The following PPFIA2 variants were observed in gnomAD, a reference collection of about 807,000 sequenced individuals.
The protein encoded by PPFIA2 is liprin-alpha-2.
A neutral mutation model predicts 175.5 loss-of-function variants in PPFIA2; 46 were observed. That is an observed-to-expected ratio of 0.26 (90% CI 0.21 to 0.34). The LOEUF (loss-of-function observed/expected upper bound fraction) is 0.34, where lower values mean the gene tolerates loss of function less well. Among genes scored for constraint, PPFIA2 ranks in the 10% least tolerant of loss-of-function variants. The probability of loss-of-function intolerance (pLI) is 1.00; values close to 1 mark genes in which losing one functional copy is unlikely to be tolerated. For synonymous variants in PPFIA2, 568 were observed against 511.4 expected, an observed-to-expected ratio of 1.11 and a Z score of -1.49; for missense variants, 1,179 against 1,506.1, an observed-to-expected ratio of 0.78 and a Z score of 3.60.
At chr12:81,440,819 T>C (rs1186532413) in intron 6 of PPFIA2, among the ~76,000 whole-genome samples, 4 of 149,762 alleles carry the variant, frequency 2.7e-5, no homozygotes, top group Admixed American at 2.7e-4. Flanking sequence ...TCCTGATATA[T>C]ATATATATAT....
At chr12:81,429,799 TG>T (rs1259340975) in intron 7 of PPFIA2, among the ~76,000 whole-genome samples, 1 of 152,120 alleles carries the variant, frequency 6.6e-6, no homozygotes, top group Admixed American at 6.6e-5. Flanking sequence ...GGAGAATCCA[TG>T]TTGTTTCAGT....
chr12:81,612,503 G>GA (rs1232732129), intron 4 of PPFIA2, among the ~76,000 whole-genome samples: 9 of 150,508 alleles, frequency 6.0e-5, no homozygotes, highest in South Asian at 2.1e-4. Context: ...CCAAGAAAAA[G>GA]AAAAAAAAAC....
At chr12:81,648,614 G>T (rs1043018425) in intron 4 of PPFIA2, among the ~76,000 whole-genome samples, 2 of 150,376 alleles carry the variant, frequency 1.3e-5, no homozygotes, top group Admixed American at 1.3e-4. Flanking sequence ...TCTCATGCAG[G>T]GTTTTTTCTT....
chr12:81,350,181 G>T (rs1179214464), intron 17 of PPFIA2, among the ~76,000 whole-genome samples: 1 of 152,118 alleles, frequency 6.6e-6, no homozygotes, highest in Admixed American at 6.6e-5. Flanking sequence ...CAAGAATATA[G>T]ACTTGATTTC....
intron 4 of PPFIA2, among the ~76,000 whole-genome samples, chr12:81,611,373 G>A (rs1173179405): frequency 6.6e-6 from 1 of 152,268 alleles, no homozygotes; most frequent in Middle Eastern, 3.4e-3. Flanking sequence ...TGCAAGGGGG[G>A]TTCCTCCCCT....
chr12:81,623,405 T>A (rs1425207168), intron 4 of PPFIA2, among the ~76,000 whole-genome samples: 7 of 152,036 alleles, frequency 4.6e-5, no homozygotes, highest in Non-Finnish European at 1.0e-4. Context: ...AAATGATGAA[T>A]ATCTTAGGCA....
At chr12:81,489,905 G>C (rs2059249916) in intron 4 of PPFIA2, among the ~76,000 whole-genome samples, 1 of 151,876 alleles carries the variant, frequency 6.6e-6, no homozygotes, top group Non-Finnish European at 1.5e-5. Flanking sequence ...ACACTATAGA[G>C]AAGGCCAATT....
chr12:81,450,909 T>C (rs534154176), intron 5 of PPFIA2, among the ~76,000 whole-genome samples: 7 of 152,204 alleles, frequency 4.6e-5, no homozygotes, highest in Non-Finnish European at 8.8e-5. Context: ...CATTGCTAAG[T>C]AGGAATTCTA....
intron 21 of PPFIA2, among the ~76,000 whole-genome samples, chr12:81,336,708 A>C (rs565694594): frequency 2.6e-5 from 4 of 152,274 alleles, no homozygotes; most frequent in African/African-American, 9.6e-5. Flanking sequence ...ACCTTTTAAG[A>C]GTTATAAATC....
chr12:81,634,948 A>T (rs181009616), intron 4 of PPFIA2, among the ~76,000 whole-genome samples: 1 of 151,150 alleles, frequency 6.6e-6, no homozygotes, highest in East Asian at 1.9e-4. Flanking sequence ...ACATATCTTC[A>T]TTGTCATTAA....
chr12:81,350,843 G>A (rs1486238895), intron 17 of PPFIA2, among the ~76,000 whole-genome samples: 1 of 152,124 alleles, frequency 6.6e-6, no homozygotes, highest in Non-Finnish European at 1.5e-5. Context: ...GTAGGGTGAT[G>A]ATAGGTAATT....
At chr12:81,315,547 G>A (rs1921048) in intron 22 of PPFIA2, among the ~76,000 whole-genome samples, 53,962 of 151,504 alleles carry the variant, frequency 0.36, 10,445 homozygotes, top group East Asian at 0.54. Context: ...AAGGTGGGAA[G>A]ACTGTGATTA....
At chr12:81,648,804 G>A (rs996476007) in intron 4 of PPFIA2, among the ~76,000 whole-genome samples, 1 of 151,808 alleles carries the variant, frequency 6.6e-6, no homozygotes, top group Admixed American at 6.6e-5. Context: ...CAGATCAATG[G>A]AAAAGAAGAG....
chr12:81,636,972 T>C lies in PPFIA2; in HGVS notation c.303+39819A>G, dbSNP rs557734966. 9.4e-4 allele frequency among the ~76,000 whole-genome samples: 143 copies of C among 152,208 alleles called. 2 individuals are homozygous for C. Among genetic ancestry groups the C allele is most frequent in the African/African-American group, 3.0e-3 (125 of 41,518 alleles). On this transcript the variant is annotated intron_variant, in intron 4 of 32. Transcript: ENST00000549396. Reference sequence around the variant, plus strand: ...TTCAAAATTGTCAAACTACCTTTGTTCCATTTTTCTTAAAATGGAATTTTC... The same window carrying C: ...TTCAAAATTGTCAAACTACCTTTGTCCCATTTTTCTTAAAATGGAATTTTC...
chr12:81,565,546 CACTA>C (rs1466197627), intron 4 of PPFIA2, among the ~76,000 whole-genome samples: 3 of 152,166 alleles, frequency 2.0e-5, no homozygotes, highest in South Asian at 4.1e-4. Context: ...CTCTACAGAA[CACTA>C]ACTAATACAA....
intron 7 of PPFIA2, among the ~76,000 whole-genome samples, chr12:81,411,546 C>T (rs1280010147): frequency 1.3e-5 from 2 of 152,050 alleles, no homozygotes; most frequent in Non-Finnish European, 1.5e-5. Context: ...GTAGTCTTGG[C>T]GGCTGGGCCT....
intron 4 of PPFIA2, among the ~76,000 whole-genome samples, chr12:81,496,615 G>A (rs2060052318): frequency 6.6e-6 from 1 of 152,124 alleles, no homozygotes; most frequent in Non-Finnish European, 1.5e-5. Context: ...CCACGTGAAT[G>A]AAAGGAATCA....
intron 4 of PPFIA2, among the ~76,000 whole-genome samples, chr12:81,561,196 TGA>T (rs1249307040): frequency 2.0e-5 from 3 of 152,200 alleles, no homozygotes; most frequent in Non-Finnish European, 4.4e-5. Flanking sequence ...GTATATGATA[TGA>T]GATGGCAAAG....
intron 4 of PPFIA2, among the ~76,000 whole-genome samples, chr12:81,517,795 G>A (rs374946405): frequency 3.9e-5 from 6 of 152,040 alleles, no homozygotes; most frequent in Non-Finnish European, 8.8e-5. Context: ...ATGCAGCCTC[G>A]ACTTTAGGAA....
Sources: gnomAD v4.1 joint callset for allele counts (sites outside exome capture counted in the v4.1 genomes callset) on GRCh38, gnomAD v4.1.1 for gene constraint, MANE v1.5 for transcripts, NCBI Gene and HGNC (gene_info 2026-07-23, HGNC 2026-07-21) for gene names.